Variants in LYPLAL1 observed in about 807,000 individuals in gnomAD.
LYPLAL1 encodes the protein lysophospholipase-like protein 1.
Under a neutral mutation model 19.7 loss-of-function variants are expected in LYPLAL1, and 23 were observed. That is an observed-to-expected ratio of 1.17 (90% confidence interval 0.84 to 1.65). The LOEUF is 1.65. Ranked by LOEUF, LYPLAL1 falls within the 40% of genes most tolerant of loss-of-function variation. The pLI is 0.00. For missense variants in LYPLAL1, 355 were observed against 279.4 expected (o/e 1.27, Z -1.93); for synonymous variants, 119 against 96.3 (o/e 1.24, Z -1.38).
At chr1:219,266,851 A>G in the LYPLAL1 span, among the ~76,000 whole-genome samples, 1 of 152,136 alleles carries the variant, frequency 6.6e-6, no homozygotes, top group East Asian at 1.9e-4. Context: ...TCTCTTCAGT[A>G]AAGTACACTG....
chr1:219,374,954 A>G, the LYPLAL1 span, among the ~76,000 whole-genome samples: 10 of 152,112 alleles, frequency 6.6e-5, no homozygotes, highest in Non-Finnish European at 1.5e-4. Flanking sequence ...GTTCCCTTCC[A>G]TCTCCTTATT....
At chr1:219,392,705 T>G in the LYPLAL1 span, among the ~76,000 whole-genome samples, 4 of 152,200 alleles carry the variant, frequency 2.6e-5, no homozygotes, top group Admixed American at 2.6e-4. Flanking sequence ...ATGTATTTCC[T>G]TATAAAATCA....
chr1:219,424,060 A>G, the LYPLAL1 span, among the ~76,000 whole-genome samples: 1 of 149,786 alleles, frequency 6.7e-6, no homozygotes, highest in Non-Finnish European at 1.5e-5. Flanking sequence ...AAAATATACT[A>G]TTAGGCACAT....
chr1:219,432,630 A>T, the LYPLAL1 span, among the ~76,000 whole-genome samples: 8 of 152,298 alleles, frequency 5.3e-5, 1 homozygote, highest in East Asian at 1.4e-3. Flanking sequence ...TGAAGGGGAA[A>T]TGGAAGGACC....
At chr1:219,382,929 C>A in the LYPLAL1 span, among the ~76,000 whole-genome samples, 1 of 151,536 alleles carries the variant, frequency 6.6e-6, no homozygotes, top group African/African-American at 2.4e-5. Flanking sequence ...CCCACCTACT[C>A]GGTGCAATAT....
chr1:219,230,771 C>T, the LYPLAL1 span, among the ~76,000 whole-genome samples: 1 of 152,144 alleles, frequency 6.6e-6, no homozygotes, highest in African/African-American at 2.4e-5. Flanking sequence ...GTTTGTTCAA[C>T]TTAAATACTC....
At chr1:219,259,300 C>T in the LYPLAL1 span, among the ~76,000 whole-genome samples, 1 of 151,734 alleles carries the variant, frequency 6.6e-6, no homozygotes. Context: ...GTAACAAAGA[C>T]ACTTGGACAC....
At chr1:219,191,691 A>ATT (rs1405748018) in intron 2 of LYPLAL1, among the ~76,000 whole-genome samples, 8 of 151,522 alleles carry the variant, frequency 5.3e-5, no homozygotes, top group Non-Finnish European at 8.9e-5. Flanking sequence ...GAGATGGGTA[A>ATT]AAAATGAATA....
chr1:219,193,148 C>T lies in LYPLAL1; in HGVS notation c.258C>T (p.Asp86=), dbSNP rs144781750. The change falls in exon 3 of 5, where the codon GAC becomes GAT. Residue 86 remains aspartate, a synonymous_variant. Transcript: ENST00000366928. ...TTGACAGATTTAAAATAACCAATGA[C>T]TGCCCAGAACACCTTGAATCAATTG... ...VWFDRFKITN[D]CPEHLESIDV... 1.9e-6 allele frequency: 3 copies of T among 1,605,914 alleles called. No individual in the cohort carries two copies. The highest frequency in any genetic ancestry group is 3.4e-5 in the Admixed American group (2 of 59,546).
At chr1:219,355,337 G>A in the LYPLAL1 span, among the ~76,000 whole-genome samples, 2 of 151,930 alleles carry the variant, frequency 1.3e-5, no homozygotes, top group Admixed American at 6.6e-5. Flanking sequence ...AAATAAAGGA[G>A]ATAAAAGGGA....
intron 2 of LYPLAL1, among the ~76,000 whole-genome samples, chr1:219,181,214 A>G (rs1376421120): frequency 1.3e-5 from 2 of 152,180 alleles, no homozygotes; most frequent in Non-Finnish European, 1.5e-5. Flanking sequence ...CATGTTTTAC[A>G]TGTACGACAC....
chr1:219,397,420 C>A, the LYPLAL1 span, among the ~76,000 whole-genome samples: 3 of 152,240 alleles, frequency 2.0e-5, no homozygotes, highest in Middle Eastern at 6.8e-3. Flanking sequence ...GTGATGCTGA[C>A]CTCATAGGAT....
chr1:219,332,826 C>CA, the LYPLAL1 span, among the ~76,000 whole-genome samples: 1 of 142,110 alleles, frequency 7.0e-6, no homozygotes, highest in Admixed American at 7.1e-5. Context: ...TTTTCTGCCC[C>CA]CCCCCCCCAA....
At chr1:219,248,988 G>T in the LYPLAL1 span, among the ~76,000 whole-genome samples, 1 of 152,080 alleles carries the variant, frequency 6.6e-6, no homozygotes, top group South Asian at 2.1e-4. Flanking sequence ...AATTGTCCAA[G>T]ATAGTGGTTG....
At chr1:219,398,024 G>A in the LYPLAL1 span, among the ~76,000 whole-genome samples, 2 of 152,128 alleles carry the variant, frequency 1.3e-5, no homozygotes, top group Non-Finnish European at 2.9e-5. Context: ...TGATGATTAT[G>A]TATCTTGGGG....
the LYPLAL1 span, among the ~76,000 whole-genome samples, chr1:219,232,922 C>T: frequency 1.3e-5 from 2 of 151,514 alleles, no homozygotes; most frequent in African/African-American, 4.8e-5. Flanking sequence ...AATTGAAACC[C>T]TTGTGAACTG....
chr1:219,176,171 A>G (rs1655795424), intron 1 of LYPLAL1, among the ~76,000 whole-genome samples: 2 of 152,236 alleles, frequency 1.3e-5, no homozygotes, highest in Admixed American at 1.3e-4. Context: ...CTATTAATAA[A>G]GTACTAAAGA....
chr1:219,204,834 AAG>A (rs768786720), intron 3 of LYPLAL1, among the ~76,000 whole-genome samples: 2 of 152,152 alleles, frequency 1.3e-5, no homozygotes, highest in Non-Finnish European at 1.5e-5. Context: ...ATTCGTTGTT[AAG>A]AGAGAATACT....
At chr1:219,340,548 T>C in the LYPLAL1 span, among the ~76,000 whole-genome samples, 2 of 152,066 alleles carry the variant, frequency 1.3e-5, no homozygotes, top group Admixed American at 1.3e-4. Context: ...TTATTCATAA[T>C]AGGTGGGTTA....
Sources: gnomAD v4.1 joint callset for allele counts (sites outside exome capture counted in the v4.1 genomes callset) on GRCh38, gnomAD v4.1.1 for gene constraint, MANE v1.5 for transcripts, NCBI Gene and HGNC (gene_info 2026-07-23, HGNC 2026-07-21) for gene names.